Variants in NOTCH3 observed in about 807,000 individuals in gnomAD.
NOTCH3 encodes the protein neurogenic locus notch homolog protein 3.
A neutral mutation model predicts 213.3 loss-of-function variants in NOTCH3; 86 were observed. The ratio of observed to expected loss-of-function variants is 0.40; its 90% confidence interval spans 0.34 to 0.48. The LOEUF (loss-of-function observed/expected upper bound fraction) is 0.48. NOTCH3 is among the 20% of genes least tolerant of loss of function. The probability of loss-of-function intolerance (pLI) is 0.57; values close to 1 mark genes in which losing one functional copy is unlikely to be tolerated. For missense variants in NOTCH3, 2,783 were observed against 3,272.6 expected (o/e 0.85, Z 3.65); for synonymous variants, 1,354 against 1,355.9 (o/e 1.00, Z 0.03).
intron 19 of NOTCH3, 51 bp from the exon 20 acceptor site, chr19:15,180,307 T>C: frequency 6.3e-7 from 1 of 1,584,106 alleles, no homozygotes; most frequent in Non-Finnish European, 8.6e-7. Context: ...TACATCCCCC[T>C]TCTGCCTCCA....
chr19:15,182,278 G>A (rs1316913638), intron 16 of NOTCH3, among the ~76,000 whole-genome samples: 1 of 152,092 alleles, frequency 6.6e-6, no homozygotes, highest in African/African-American at 2.4e-5. Context: ...AGGCCGAGGT[G>A]GGCAGATCAC....
chr19:15,177,154 C>G (rs1200681976), intron 24 of NOTCH3, among the ~76,000 whole-genome samples: 1 of 149,456 alleles, frequency 6.7e-6, no homozygotes, highest in Non-Finnish European at 1.5e-5. Context: ...GAGGCTGAGG[C>G]AGGAGTACTG....
rs1322964972 is a variant in NOTCH3, at chr19:15,188,994, A to C, written c.1373T>G (p.Met458Arg). 12 of 1,610,156 alleles carry C rather than the reference A, an allele frequency of 7.5e-6. 1 individual carries two copies. The South Asian group carries it at 1.3e-4, about 18-fold the overall frequency. Residue 458 changes from methionine (M) to arginine (R), a missense_variant, in exon 8 of 33, where the codon ATG becomes AGG. Transcript: ENST00000263388. ...DRIGQFTCIC[M>R]AGFTGTYCEV... ...AGGCCACGCCCACCACCCACCTGCC[A>C]TACAGATACAGGTGAACTGGCCTAT...
rs1568350190 is a variant in NOTCH3, at chr19:15,170,837, G to A, written c.4737-12C>T. On this transcript the variant is annotated splice_polypyrimidine_tract_variant and intron_variant, in intron 25 of 32. Coordinates refer to ENST00000263388, the MANE Select transcript of NOTCH3 (RefSeq NM_000435.3). ...GCATTACTACCGAGCTGCAGGGACA[G>A]CAGGGAGGGACCAGAGGGCTCAAAA... 1.9e-6 allele frequency: 3 copies of A among 1,612,816 alleles called. No homozygotes were observed. Among genetic ancestry groups the A allele is most frequent in the Non-Finnish European group, 2.5e-6 (3 of 1,179,844 alleles).
chr19:15,185,349 C>G lies in NOTCH3; in HGVS notation c.2204G>C (p.Arg735Pro). The G allele has an allele frequency of 6.2e-7, 1 of 1,612,516 alleles. No individual in the cohort carries two copies. The highest frequency in any genetic ancestry group is 8.5e-7 in the Non-Finnish European group (1 of 1,179,810). The change falls in exon 14 of 33, where the codon CGA becomes CCA. Residue 735 changes from arginine to proline, a missense_variant. Arg to Pro is a moderately radical substitution (Grantham distance 103, BLOSUM62 -2). Coordinates refer to ENST00000263388, the MANE Select transcript of NOTCH3 (RefSeq NM_000435.3). The surrounding 1 kb of genome is among the most constrained non-coding windows in gnomAD (Gnocchi z 4.2). The part of the protein sequence containing the change: ...SGPRCSQSLA[R>P]DACESQPCRA... ...GCACGGCTGGGACTCACAGGCGTCT[C>G]GGGCCAGGCTCTGGCTGCAGCGGGG...
In NOTCH3 at chr19:15,185,270, C is replaced by T. The variant is rs200424369; in HGVS notation, c.2283G>A (p.Pro761=). 15 of 1,613,160 alleles carry T rather than the reference C, an allele frequency of 9.3e-6. No individual in the cohort carries two copies. The highest frequency in any genetic ancestry group is 2.2e-5 in the South Asian group (2 of 91,084). Residue 761 remains proline (P), a synonymous_variant, in exon 14 of 33, where the codon CCG becomes CCA. Coordinates refer to ENST00000263388, the MANE Select transcript of NOTCH3 (RefSeq NM_000435.3). This position sits in a 1 kb window ranked among gnomAD's most constrained non-coding sequence, Gnocchi z 4.2. ...SDGMGFHCTC[P]PGVQGRQCEL... is the part of the protein sequence containing the mutation. ...TGAGGTACACACCCTGGACACCAGG[C>T]GGGCAGGTGCAGTGGAAACCCATTC...
intron 24 of NOTCH3, among the ~76,000 whole-genome samples, 171 bp from the exon 25 acceptor site, chr19:15,174,571 A>ATTTT (rs71168591): frequency 1.4e-5 from 2 of 145,468 alleles, no homozygotes; most frequent in African/African-American, 5.1e-5. Context: ...TCACTGGATA[A>ATTTT]TTTTTTTTTT....
intron 2 of NOTCH3, among the ~76,000 whole-genome samples, chr19:15,194,401 G>A (rs1267995219): frequency 1.3e-5 from 2 of 152,196 alleles, no homozygotes; most frequent in Non-Finnish European, 2.9e-5. Context: ...TCCCCATGGA[G>A]AGGCTCAGCC....
In NOTCH3 at chr19:15,177,999, C is replaced by T; in HGVS notation, c.3929G>A (p.Gly1310Glu). 1 of 1,463,082 alleles carries T rather than the reference C, an allele frequency of 6.8e-7. No individual in the cohort carries two copies. The highest frequency in any genetic ancestry group is 2.4e-5 in the Admixed American group (1 of 42,452). The allele number at this position is 1,463,082 out of a possible 1,614,324, so 90.6% of individuals were successfully genotyped here. Residue 1310 changes from glycine (G) to glutamate (E), a missense_variant, in exon 24 of 33, where the codon GGG (glycine) becomes GAG (glutamate). Physicochemically the swap from Gly to Glu is moderately conservative, Grantham distance 98. Around this residue, in one of 6 missense-constraint regions of NOTCH3, gnomAD observed 133 missense variants for 201.9 expected, o/e 0.66. Coordinates refer to ENST00000263388, the MANE Select transcript of NOTCH3 (RefSeq NM_000435.3). ...CCCTGGGGGGCAGGCGCAGCGCGGC[C>T]CGCGGGGCGTCTGCTGGCATGGGAC... ...VGVPCQQTPR[G>E]PRCACPPGLS... is the part of the protein sequence containing the mutation.
chr19:15,161,677 C>G lies in NOTCH3; in HGVS notation c.5951G>C (p.Ser1984Thr). 6.2e-7 allele frequency: 1 copy of G among 1,613,940 alleles called. No homozygotes were observed. Among genetic ancestry groups the G allele is most frequent in the Non-Finnish European group, 8.5e-7 (1 of 1,179,964 alleles). The change falls in exon 33 of 33, where the codon AGC becomes ACC. Residue 1984 changes from serine to threonine, a missense_variant. Coordinates refer to ENST00000263388, the MANE Select transcript of NOTCH3 (RefSeq NM_000435.3). The stretch of plus-strand genomic sequence containing the variant: ...CAACAGCAGCTTGGCAGCCTCATAG[C>G]TGCCCTCGCGGGCGGCCAGGAATAG... ...TPLFLAAREG[S>T]YEAAKLLLDH...
At chr19:15,200,191 C>T (rs1344047697) in intron 1 of NOTCH3, among the ~76,000 whole-genome samples, 1 of 140,772 alleles carries the variant, frequency 7.1e-6, no homozygotes, top group East Asian at 2.0e-4. Flanking sequence ...TCCCCGCGGC[C>T]AGAGGAGAGA....
intron 2 of NOTCH3, among the ~76,000 whole-genome samples, chr19:15,195,220 C>G (rs1019960491): frequency 1.3e-5 from 2 of 152,090 alleles, no homozygotes; most frequent in Non-Finnish European, 2.9e-5. Context: ...GCCTCTTATG[C>G]AGGGATGGGA....
Position 15,174,406 on chromosome 19 carries a change from G to T in NOTCH3, c.4404-6C>A. ...AGTACTTCTCGTACACCGGGCTGGT[G>T]GGGAAGGGTGAGGCAGAGAGGGGCG... On this transcript the variant is annotated splice_polypyrimidine_tract_variant and splice_region_variant and intron_variant, in intron 24 of 32. Coordinates refer to ENST00000263388, the MANE Select transcript of NOTCH3 (RefSeq NM_000435.3). The T allele has an allele frequency of 6.6e-7, 1 of 1,514,368 alleles. No homozygotes were observed. The allele number at this position is 1,514,368 out of a possible 1,614,324, so 93.8% of individuals were successfully genotyped here.
chr19:15,166,687 C>A (rs2046688749), intron 29 of NOTCH3, among the ~76,000 whole-genome samples: 1 of 152,198 alleles, frequency 6.6e-6, no homozygotes, highest in East Asian at 1.9e-4. Context: ...GATCAAACAA[C>A]ATAGTCCGCT....
At position 15,173,087 on chromosome 19, in the gene NOTCH3, T is replaced by C. The variant is rs1313452169; in HGVS notation, c.4736+981A>G. The stretch of plus-strand genomic sequence containing the variant: ...CTTCTTCTTCTTCTTCTTCTTCTTC[T>C]TCTTCTTCTTCTTCTTCTTTTTTTT... On this transcript the variant is annotated intron_variant, in intron 25 of 32. Coordinates refer to ENST00000263388, the MANE Select transcript of NOTCH3 (RefSeq NM_000435.3). Among the ~76,000 whole-genome samples, 140 of 21,528 alleles carry C rather than the reference T, an allele frequency of 6.5e-3. 29 individuals are homozygous for C. Among genetic ancestry groups the C allele is most frequent in the Middle Eastern group, 0.047 (3 of 64 alleles). 14.1% of individuals were successfully genotyped at this position (21,528 alleles called of 152,430 possible).
In NOTCH3 at chr19:15,161,056, G is replaced by T. The variant is rs1221203164; in HGVS notation, c.6572C>A (p.Pro2191Gln). 6.5e-7 allele frequency: 1 copy of T among 1,538,672 alleles called. No homozygotes were observed. ...CCCTGGGTTGAGCAGCTGGGGTCCC[G>T]GCGCCAGTGGCAGCAGGAACGAGGG... The part of the protein sequence containing the change: ...PGPSFLLPLA[P>Q]GPQLLNPGTP... The change falls in exon 33 of 33, where the codon CCG becomes CAG. Residue 2191 changes from proline (P) to glutamine (Q), a missense_variant. Physicochemically the swap from Pro to Gln is moderately conservative, Grantham distance 76. This residue lies in a region of NOTCH3 where 441 missense variants were observed against 432.1 expected (regional missense o/e 1.02). Coordinates refer to ENST00000263388, the MANE Select transcript of NOTCH3 (RefSeq NM_000435.3).
At chr19:15,196,187 C>T (rs1035856975) in intron 2 of NOTCH3, among the ~76,000 whole-genome samples, 1 of 152,100 alleles carries the variant, frequency 6.6e-6, no homozygotes, top group African/African-American at 2.4e-5. Context: ...CTCCGGGCGC[C>T]GCGCGCGCCG....
In NOTCH3 at chr19:15,180,990, G is replaced by A. The variant is rs2046835747; in HGVS notation, c.2965C>T (p.Leu989Phe). ...CACTGCGGGCCCGTGAAGCTCTCGA[G>A]GCAGGTGCAGCGGAAGCCAGGGTGG... is the stretch of plus-strand genomic sequence containing the variant. ...AAHPGFRCTC[L>F]ESFTGPQCQT... is the part of the protein sequence containing the mutation. The change falls in exon 18 of 33, where the codon CTC (leucine) becomes TTC (phenylalanine). Residue 989 changes from leucine to phenylalanine, a missense_variant. Physicochemically the swap from Leu to Phe is conservative, Grantham distance 22. This residue lies in a region of NOTCH3 where 861 missense variants were observed against 909.1 expected (regional missense o/e 0.95). Transcript: ENST00000263388. 6.3e-7 allele frequency: 1 copy of A among 1,597,232 alleles called. No homozygotes were observed. Among genetic ancestry groups the A allele is most frequent in the Non-Finnish European group, 8.5e-7 (1 of 1,172,972 alleles).
At chr19:15,161,744 G>T (rs375563426) in intron 32 of NOTCH3, 30 bp from the exon 33 acceptor site, 4 of 1,602,488 alleles carry the variant, frequency 2.5e-6, no homozygotes, top group African/African-American at 2.7e-5. Flanking sequence ...AGAGGTCAGC[G>T]AAACCCCAGC....
Sources: gnomAD v4.1 joint callset for allele counts (sites outside exome capture counted in the v4.1 genomes callset) on GRCh38, gnomAD v4.1.1 for gene constraint, gnomAD v4.1.1 regional missense constraint, Gnocchi (gnomAD v3.1) non-coding constraint, MANE v1.5 for transcripts, NCBI Gene and HGNC (gene_info 2026-07-23, HGNC 2026-07-21) for gene names.